Variants in ZFHX3 observed in about 807,000 individuals in gnomAD.
ZFHX3 encodes the protein zinc finger homeobox 3, also known as zinc finger homeobox protein 3.
In ZFHX3, 42 loss-of-function variants were observed where a neutral mutation model predicts 279.1. That is an observed-to-expected ratio of 0.15 (90% confidence interval 0.12 to 0.19). ZFHX3 has a LOEUF of 0.19. Among genes scored for constraint, ZFHX3 ranks in the 10% least tolerant of loss-of-function variants. ZFHX3 has a pLI of 1.00. For missense variants in ZFHX3, 4,981 were observed against 4,754.0 expected (o/e 1.05, Z -1.40); for synonymous variants, 2,293 against 1,957.8 (o/e 1.17, Z -4.52).
rs375965754 is a variant in ZFHX3 at position 73,864,812 on chromosome 16, AG to A, written c.-1608+26838del. ...CATTAGGCATCCCAATACCCAATAA[AG>A]TAATATTTGAATTGGTGTCATAAAC... On this transcript the variant is annotated intron_variant, in intron 1 of 17. Transcript: ENST00000641206. 4.1e-3 allele frequency among the ~76,000 whole-genome samples: 610 copies of A among 149,918 alleles called. 3 individuals carry two copies. The highest frequency in any genetic ancestry group is 0.013 in the Admixed American group (195 of 14,998).
At chr16:72,839,200 C>G (rs577269432) in intron 4 of ZFHX3, among the ~76,000 whole-genome samples, 270 of 152,068 alleles carry the variant, frequency 1.8e-3, no homozygotes, top group African/African-American at 6.3e-3. Context: ...TCCCTTCCCC[C>G]CCCCATTTTC....
At chr16:73,446,361 A>C (rs1330400097) in intron 3 of ZFHX3, among the ~76,000 whole-genome samples, 1 of 152,204 alleles carries the variant, frequency 6.6e-6, no homozygotes, top group African/African-American at 2.4e-5. Flanking sequence ...TGGAAGGGGA[A>C]AGAAACGTCC....
chr16:72,915,674 G>A (rs1030137759), intron 3 of ZFHX3, among the ~76,000 whole-genome samples: 1 of 151,802 alleles, frequency 6.6e-6, no homozygotes, highest in African/African-American at 2.4e-5. Flanking sequence ...GAGGGAGGAG[G>A]ATCACTTGAG....
intron 4 of ZFHX3, among the ~76,000 whole-genome samples, chr16:73,268,241 C>T (rs1218987841): frequency 6.6e-6 from 1 of 152,132 alleles, no homozygotes; most frequent in Admixed American, 6.5e-5. Flanking sequence ...TGCTTGAGCA[C>T]AATTATTCCC....
chr16:73,344,687 A>C (rs199762359), intron 3 of ZFHX3, among the ~76,000 whole-genome samples: 1 of 151,882 alleles, frequency 6.6e-6, no homozygotes, highest in Non-Finnish European at 1.5e-5. Context: ...ATATATCTAC[A>C]GAGAGAGACA....
At chr16:73,043,053 G>A (rs946406047) in intron 1 of ZFHX3, among the ~76,000 whole-genome samples, 7 of 152,060 alleles carry the variant, frequency 4.6e-5, no homozygotes, top group African/African-American at 1.7e-4. Context: ...CAGGAGTAGG[G>A]GTGGGAGTGC....
At chr16:73,044,769 G>A (rs1965232089) in intron 1 of ZFHX3, among the ~76,000 whole-genome samples, 1 of 152,162 alleles carries the variant, frequency 6.6e-6, no homozygotes, top group Admixed American at 6.5e-5. Context: ...TTACAGGAAT[G>A]CACCATCACA....
chr16:73,761,545 A>G (rs1302622778), intron 1 of ZFHX3, among the ~76,000 whole-genome samples: 1 of 152,216 alleles, frequency 6.6e-6, no homozygotes, highest in East Asian at 1.9e-4. Flanking sequence ...AAGCAAAAAC[A>G]ACAAAGCTGG....
chr16:73,101,196 A>G (rs558231536), intron 7 of ZFHX3, among the ~76,000 whole-genome samples: 54 of 152,262 alleles, frequency 3.5e-4, no homozygotes, highest in Non-Finnish European at 6.3e-4. Flanking sequence ...CTGCAGCACC[A>G]TTATATCTCA....
chr16:73,580,275 T>C (rs2051845989), intron 2 of ZFHX3, among the ~76,000 whole-genome samples: 1 of 151,760 alleles, frequency 6.6e-6, no homozygotes, highest in Non-Finnish European at 1.5e-5. Flanking sequence ...GTCAAGAGGT[T>C]GAGACCATCC....
intron 1 of ZFHX3, among the ~76,000 whole-genome samples, chr16:73,740,422 C>T (rs1492564): frequency 0.62 from 93,895 of 151,934 alleles, 30,840 homozygotes; most frequent in African/African-American, 0.85. Context: ...AAGTGGGGAC[C>T]GTTGGTCAGG....
chr16:73,700,538 A>G (rs1244981539), intron 1 of ZFHX3, among the ~76,000 whole-genome samples: 1 of 152,218 alleles, frequency 6.6e-6, no homozygotes, highest in Non-Finnish European at 1.5e-5. Context: ...CCTAAAGTCT[A>G]TTATGTAAAT....
intron 1 of ZFHX3, among the ~76,000 whole-genome samples, chr16:73,715,381 A>G (rs1187935965): frequency 6.6e-6 from 1 of 152,074 alleles, no homozygotes; most frequent in Non-Finnish European, 1.5e-5. Context: ...AGACTTGCGT[A>G]TCTTCTTTAA....
At chr16:73,181,856 T>A (rs901514309) in intron 5 of ZFHX3, among the ~76,000 whole-genome samples, 17 of 152,148 alleles carry the variant, frequency 1.1e-4, no homozygotes, top group Non-Finnish European at 1.2e-4. Context: ...AAGCAGCTGA[T>A]GTTCTACCTG....
intron 1 of ZFHX3, among the ~76,000 whole-genome samples, chr16:73,735,793 T>G (rs2053604011): frequency 1.3e-5 from 2 of 152,194 alleles, no homozygotes; most frequent in South Asian, 4.1e-4. Flanking sequence ...AGGAGCTGTT[T>G]CCCATCATCC....
At chr16:73,414,409 A>G (rs1262042277) in intron 3 of ZFHX3, among the ~76,000 whole-genome samples, 1 of 152,284 alleles carries the variant, frequency 6.6e-6, no homozygotes, top group African/African-American at 2.4e-5. Flanking sequence ...AACTAAACTT[A>G]CAGTTTAATC....
chr16:73,352,506 A>G (rs1472165827), intron 3 of ZFHX3, among the ~76,000 whole-genome samples: 1 of 106,038 alleles, frequency 9.4e-6, no homozygotes, highest in African/African-American at 3.9e-5. Flanking sequence ...TTTTTTGGAG[A>G]CAGAGTCTGT....
intron 2 of ZFHX3, 117 bp from the exon 3 acceptor site, chr16:72,951,082 T>C (rs1597004876): frequency 7.0e-7 from 1 of 1,428,554 alleles, no homozygotes. Flanking sequence ...GAAGATGACA[T>C]TTCAAGTGTT....
intron 3 of ZFHX3, among the ~76,000 whole-genome samples, chr16:72,892,385 A>G (rs187416963): frequency 6.0e-4 from 92 of 152,338 alleles, no homozygotes; most frequent in African/African-American, 2.0e-3. Context: ...AAATTTCTAC[A>G]ACCAGAAAGT....
Sources: gnomAD v4.1 joint callset for allele counts (sites outside exome capture counted in the v4.1 genomes callset) on GRCh38, gnomAD v4.1.1 for gene constraint, MANE v1.5 for transcripts, NCBI Gene and HGNC (gene_info 2026-07-23, HGNC 2026-07-21) for gene names.